The following MIGA2 variants were observed in gnomAD, a reference collection of about 807,000 sequenced individuals.
MIGA2 encodes the protein family with sequence similarity 73, member B.
A neutral mutation model predicts 69.9 loss-of-function variants in MIGA2; 36 were observed. The observed-to-expected ratio is 0.52, with a 90% CI of 0.39 to 0.68. MIGA2 has a LOEUF of 0.68. Among genes scored for constraint, MIGA2 ranks in the 30% least tolerant of loss-of-function variants. The probability of loss-of-function intolerance (pLI) is 0.00; values close to 1 mark genes in which losing one functional copy is unlikely to be tolerated. For missense variants in MIGA2, 660 were observed against 787.7 expected, an observed-to-expected ratio of 0.84 and a Z score of 1.94; for synonymous variants, 333 against 349.2, an observed-to-expected ratio of 0.95 and a Z score of 0.52.
intron 5 of MIGA2, 135 bp downstream of exon 5, chr9:129,049,633 C>A: frequency 1.6e-6 from 2 of 1,238,800 alleles, no homozygotes; most frequent in Non-Finnish European, 2.3e-6. Context: ...GATTTCCAGC[C>A]ATTTCTGAAC....
chr9:129,070,733 G>A lies in MIGA2; in HGVS notation c.*280G>A. 1 of 484,218 alleles carries A rather than the reference G, an allele frequency of 2.1e-6. No homozygotes were observed. The highest frequency in any genetic ancestry group is 3.7e-6 in the Non-Finnish European group (1 of 270,266). 30.0% of individuals were successfully genotyped at this position (484,218 alleles called of 1,614,324 possible). On this transcript the variant is annotated 3_prime_UTR_variant, in exon 16 of 16. Coordinates refer to ENST00000684074, the MANE Select transcript of MIGA2 (RefSeq NM_001329990.2). The stretch of plus-strand genomic sequence containing the variant: ...CAGAGCCAGGATGCCCCAGGTGGGG[G>A]ACCCCAAAACCTCCCATCGCTCCAG...
At chr9:129,052,902 G>C (rs773040632) in intron 6 of MIGA2, among the ~76,000 whole-genome samples, 1 of 152,144 alleles carries the variant, frequency 6.6e-6, no homozygotes, top group African/African-American at 2.4e-5. Flanking sequence ...TCTGCGAGTC[G>C]GCAGGGAACG....
At chr9:129,067,648 T>G (rs1846430707) in intron 11 of MIGA2, 125 bp from the exon 12 acceptor site, 1 of 814,660 alleles carries the variant, frequency 1.2e-6, no homozygotes, top group Non-Finnish European at 2.0e-6. Context: ...CTCTGCCACG[T>G]TTTCTCTGTG....
chr9:129,060,486 C>T lies in MIGA2; in HGVS notation c.794-64C>T, dbSNP rs1400356291. On this transcript the variant is annotated intron_variant, in intron 7 of 15. Transcript: ENST00000684074. This position sits in a 1 kb window ranked among gnomAD's most constrained non-coding sequence, Gnocchi z 4.8. ...GGGCCTGATGGGGGACTTCGTGTAC[C>T]GGGATTCCAGCTGAGCACTGTGTGG... 31 of 1,341,158 alleles carry T rather than the reference C, an allele frequency of 2.3e-5. No individual in the cohort carries two copies. Among genetic ancestry groups the T allele is most frequent in the Middle Eastern group, 1.8e-4 (1 of 5,486 alleles). 83.1% of individuals were successfully genotyped at this position (1,341,158 alleles called of 1,614,324 possible). A position where few individuals can be genotyped will look rare whatever the true frequency, so the allele number is the denominator to read the frequency against.
intron 3 of MIGA2, among the ~76,000 whole-genome samples, chr9:129,043,472 G>A (rs530419042): frequency 2.0e-5 from 3 of 147,854 alleles, no homozygotes; most frequent in East Asian, 4.1e-4. Flanking sequence ...TTGCAGCCTC[G>A]GCCTCTTAGG....
At position 129,069,720 on chromosome 9, in the gene MIGA2, G is replaced by T; in HGVS notation, c.1459-129G>T. On this transcript the variant is annotated intron_variant, in intron 14 of 15. Transcript: ENST00000684074. This position sits in a 1 kb window ranked among gnomAD's most constrained non-coding sequence, Gnocchi z 4.9. ...CTTCGAAAGCTTGAGTCACTGCCCA[G>T]GGTCATCTAGCAGGAAAGTACATGA... The T allele has an allele frequency of 1.3e-6, 1 of 752,846 alleles. No individual in the cohort carries two copies. Among genetic ancestry groups the T allele is most frequent in the East Asian group, 2.5e-5 (1 of 40,156 alleles). The allele number at this position is 752,846 out of a possible 1,614,324, so 46.6% of individuals were successfully genotyped here. A position where few individuals can be genotyped will look rare whatever the true frequency, so the allele number is the denominator to read the frequency against.
Position 129,070,539 on chromosome 9 carries a change from C to A in MIGA2, c.*86C>A. ...TCTGACAGCTGTGGTGGCTGAGGGC[C>A]GTTGCCCCTGACTTTGCCCCACCCC... is the stretch of plus-strand genomic sequence containing the variant. On this transcript the variant is annotated 3_prime_UTR_variant, in exon 16 of 16. Coordinates refer to ENST00000684074, the MANE Select transcript of MIGA2 (RefSeq NM_001329990.2). 1 of 1,392,882 alleles carries A rather than the reference C, an allele frequency of 7.2e-7. No homozygotes were observed. The highest frequency in any genetic ancestry group is 1.5e-5 in the South Asian group (1 of 68,660). 86.3% of individuals were successfully genotyped at this position (1,392,882 alleles called of 1,614,324 possible).
At chr9:129,067,929 G>T in intron 12 of MIGA2, 58 bp downstream of exon 12, 1 of 1,548,510 alleles carries the variant, frequency 6.5e-7, no homozygotes, top group South Asian at 1.2e-5. Context: ...TGAGCAGCAA[G>T]GGGGTTCTTG....
intron 3 of MIGA2, among the ~76,000 whole-genome samples, chr9:129,045,279 T>C (rs1845154846): frequency 6.6e-6 from 1 of 151,056 alleles, no homozygotes. Context: ...CCCTCTCTAC[T>C]AAAAATACAA....
intron 3 of MIGA2, 30 bp from the exon 4 acceptor site, chr9:129,048,397 G>C (rs1845343868): frequency 1.3e-6 from 2 of 1,579,812 alleles, no homozygotes; most frequent in East Asian, 4.5e-5. Context: ...GGGGATGCCT[G>C]TGTGACGCCT....
chr9:129,053,285 C>T (rs1588391026), intron 6 of MIGA2, among the ~76,000 whole-genome samples: 1 of 152,130 alleles, frequency 6.6e-6, no homozygotes, highest in African/African-American at 2.4e-5. Flanking sequence ...CCTTACAATC[C>T]TACAAGGGGT....
rs767203012 is a variant in MIGA2 at position 129,060,606 on chromosome 9, G to A, written c.850G>A (p.Glu284Lys). ...EGSLRLRADD[E>K]DSLTSEDSFF... The stretch of plus-strand genomic sequence containing the variant: ...CTCGCTGCGGCTGCGGGCGGACGAT[G>A]AGGACAGCCTGACTTCAGAGGATTC... Residue 284 changes from glutamate to lysine, a missense_variant, in exon 8 of 16, where the codon GAG (glutamate) becomes AAG (lysine). Around this residue, in one of 3 missense-constraint regions of MIGA2, gnomAD observed 386 missense variants for 402.0 expected, o/e 0.96. Coordinates refer to ENST00000684074, the MANE Select transcript of MIGA2 (RefSeq NM_001329990.2). The surrounding 1 kb of genome is among the most constrained non-coding windows in gnomAD (Gnocchi z 4.8). 3.1e-6 allele frequency: 5 copies of A among 1,605,682 alleles called. No homozygotes were observed. The highest frequency in any genetic ancestry group is 3.4e-6 in the Non-Finnish European group (4 of 1,176,312).
At chr9:129,070,130 G>A (rs1446688274) in intron 15 of MIGA2, 117 bp from the exon 16 acceptor site, 2 of 1,318,898 alleles carry the variant, frequency 1.5e-6, no homozygotes, top group South Asian at 1.3e-5. Context: ...GGAGGAGCCT[G>A]GGGATGGAAA....
At chr9:129,065,803 C>T (rs1846310088) in intron 11 of MIGA2, among the ~76,000 whole-genome samples, 1 of 152,196 alleles carries the variant, frequency 6.6e-6, no homozygotes, top group Non-Finnish European at 1.5e-5. Context: ...GAGTACCCTT[C>T]TCTGTCCCCA....
rs1192992944 is a variant in MIGA2 at position 129,068,829 on chromosome 9, C to T, written c.1405-247C>T. ...GGAGGTGGGAGTGCTGTGTTGTGCC[C>T]CTTTACAGAAGAGGAGACCGAGGCT... On this transcript the variant is annotated intron_variant, in intron 13 of 15. Transcript: ENST00000684074. The surrounding 1 kb of genome is among the most constrained non-coding windows in gnomAD (Gnocchi z 4.1). 1.8e-6 allele frequency: 1 copy of T among 556,084 alleles called. No individual in the cohort carries two copies. Among genetic ancestry groups the T allele is most frequent in the East Asian group, 3.0e-5 (1 of 32,880 alleles). 34.4% of individuals were successfully genotyped at this position (556,084 alleles called of 1,614,324 possible).
chr9:129,049,741 C>T lies in MIGA2; in HGVS notation c.539-86C>T, dbSNP rs1324714084. ...CCACCCAGTTCTTGCCCTTCAAGGC[C>T]CTCCTGCCTCCTTGATGTTCTGAGC... On this transcript the variant is annotated intron_variant, in intron 5 of 15. Transcript: ENST00000684074. 3 of 1,597,398 alleles carry T rather than the reference C, an allele frequency of 1.9e-6. No homozygotes were observed. The African/African-American group carries it at 4.1e-5, about 22-fold the overall frequency.
rs756422204 is a variant in MIGA2 at position 129,069,686 on chromosome 9, T to C, written c.1459-163T>C. 9 of 668,386 alleles carry C rather than the reference T, an allele frequency of 1.3e-5. No homozygotes were observed. The South Asian group carries it at 1.4e-4, about 11-fold the overall frequency. The allele number at this position is 668,386 out of a possible 1,614,324, so 41.4% of individuals were successfully genotyped here. ...CCATGGTTACCCTGTCTGCAGAAGT[T>C]AAAATGGGCTTCGAAAGCTTGAGTC... is the stretch of plus-strand genomic sequence containing the variant. On this transcript the variant is annotated intron_variant, in intron 14 of 15. Coordinates refer to ENST00000684074, the MANE Select transcript of MIGA2 (RefSeq NM_001329990.2). The surrounding 1 kb of genome is among the most constrained non-coding windows in gnomAD (Gnocchi z 4.9).
In MIGA2 at chr9:129,060,746, C is replaced by T. The variant is rs1156879088; in HGVS notation, c.894+96C>T. The T allele has an allele frequency of 2.1e-5, 22 of 1,055,760 alleles. No individual in the cohort carries two copies. Among genetic ancestry groups the T allele is most frequent in the African/African-American group, 4.8e-5 (3 of 62,744 alleles). The allele number at this position is 1,055,760 out of a possible 1,614,324, so 65.4% of individuals were successfully genotyped here. A position where few individuals can be genotyped will look rare whatever the true frequency, so the allele number is the denominator to read the frequency against. The stretch of plus-strand genomic sequence containing the variant: ...GCACTGGGTCATGGGAAAGTGGAGG[C>T]ATTTCCTCTGATGGGAGAATTTGGA... On this transcript the variant is annotated intron_variant, in intron 8 of 15. Transcript: ENST00000684074. This position sits in a 1 kb window ranked among gnomAD's most constrained non-coding sequence, Gnocchi z 4.8.
Position 129,067,888 on chromosome 9 carries a change from T to C in MIGA2, c.1269+17T>C, listed in dbSNP as rs747350331. On this transcript the variant is annotated intron_variant, in intron 12 of 15. Coordinates refer to ENST00000684074, the MANE Select transcript of MIGA2 (RefSeq NM_001329990.2). ...GGCCGAGGGGTGAGTTGCTTTGTGC[T>C]GAACCCCGACATCCCGGGCTCCCCT... The C allele has an allele frequency of 1.9e-6, 3 of 1,605,420 alleles. No individual in the cohort carries two copies. The highest frequency in any genetic ancestry group is 1.7e-6 in the Non-Finnish European group (2 of 1,176,166).
Sources: allele counts gnomAD v4.1 joint callset (sites outside exome capture counted in the v4.1 genomes callset), GRCh38; gene constraint gnomAD v4.1.1; regional missense constraint gnomAD v4.1.1; non-coding constraint Gnocchi (gnomAD v3.1); transcripts MANE v1.5; gene names NCBI Gene and HGNC (gene_info 2026-07-23, HGNC 2026-07-21).